The following NOL9 variants were observed in gnomAD, a reference collection of about 807,000 sequenced individuals.
NOL9 encodes nucleolar protein 9.
A neutral mutation model predicts 67.9 loss-of-function variants in NOL9; 28 were observed. The ratio of observed to expected loss-of-function variants is 0.41; its 90% confidence interval spans 0.31 to 0.57. NOL9 has a LOEUF of 0.57. Among genes scored for constraint, NOL9 ranks in the 20% least tolerant of loss-of-function variants. NOL9 has a pLI of 0.25. For missense variants in NOL9, 777 were observed against 897.0 expected, an observed-to-expected ratio of 0.87 and a Z score of 1.71; for synonymous variants, 356 against 352.2, an observed-to-expected ratio of 1.01 and a Z score of -0.12.
At chr1:6,541,794 T>G in intron 6 of NOL9, 36 bp downstream of exon 6, 1 of 1,343,896 alleles carries the variant, frequency 7.4e-7, no homozygotes, top group Non-Finnish European at 1.0e-6. Flanking sequence ...ATGAATTTCA[T>G]AAAACCAAGA....
intron 5 of NOL9, among the ~76,000 whole-genome samples, chr1:6,542,465 A>AT (rs35794526): frequency 0.81 from 118,880 of 146,944 alleles, 48,672 homozygotes; most frequent in Non-Finnish European, 0.87. Context: ...GCCCAGCTGA[A>AT]TTTTTTTTTT....
At chr1:6,541,986 A>G in intron 5 of NOL9, 59 bp from the exon 6 acceptor site, 1 of 1,083,084 alleles carries the variant, frequency 9.2e-7, no homozygotes, top group South Asian at 1.5e-5. Context: ...ACTCAGTAGA[A>G]AGGATAATCA....
rs1384740824 is a variant in NOL9 at position 6,526,718 on chromosome 1, G to A, written c.1937C>T (p.Pro646Leu). ...NCLLVGAIAI[P>L]HCVLKCQRGI... The stretch of plus-strand genomic sequence containing the variant: ...CACCTGGCACTTAAGGACACAATGT[G>A]GAATGGCAATAGCTCCAACGAGCAG... Residue 646 changes from proline (P) to leucine (L), a missense_variant, in exon 11 of 12, where the codon CCA (proline) becomes CTA (leucine). This residue lies in a region of NOL9 where 413 missense variants were observed against 552.6 expected (regional missense o/e 0.75). Coordinates refer to ENST00000377705, the MANE Select transcript of NOL9 (RefSeq NM_024654.5). 6.2e-7 allele frequency: 1 copy of A among 1,613,550 alleles called. No individual in the cohort carries two copies. Among genetic ancestry groups the A allele is most frequent in the South Asian group, 1.1e-5 (1 of 90,984 alleles).
rs560199048 is a variant in NOL9, at chr1:6,543,353, G to A, written c.978-1426C>T. Among the ~76,000 whole-genome samples, 6 of 152,172 alleles carry A rather than the reference G, an allele frequency of 3.9e-5. No individual in the cohort carries two copies. In the East Asian group the frequency reaches 7.8e-4, roughly 20 times the overall value. ...TGGGACTACAGGTGCCTGCCACCAC[G>A]CCCAGCTAATGTTTTGTATTTTTAG... On this transcript the variant is annotated intron_variant, in intron 5 of 11. Transcript: ENST00000377705.
At chr1:6,526,109 G>T in intron 11 of NOL9, 106 bp from the exon 12 acceptor site, 1 of 999,864 alleles carries the variant, frequency 1.0e-6, no homozygotes, top group Non-Finnish European at 1.5e-6. Context: ...GATGGTCTGG[G>T]TGGGGACTTC....
intron 9 of NOL9, 133 bp downstream of exon 9, chr1:6,531,835 G>T: frequency 1.4e-6 from 1 of 715,538 alleles, no homozygotes; most frequent in Non-Finnish European, 2.5e-6. Flanking sequence ...AACGACACAA[G>T]CTGTGTCACT....
intron 11 of NOL9, 71 bp downstream of exon 11, chr1:6,526,625 C>G: frequency 4.1e-6 from 6 of 1,472,120 alleles, no homozygotes; most frequent in Non-Finnish European, 5.5e-6. Flanking sequence ...GACCCCTGAC[C>G]CTACTTCAGC....
intron 3 of NOL9, among the ~76,000 whole-genome samples, chr1:6,547,747 G>A (rs1639449734): frequency 6.6e-6 from 1 of 152,022 alleles, no homozygotes; most frequent in African/African-American, 2.4e-5. Flanking sequence ...CCCAGCTACT[G>A]AGAGGCCCCG....
intron 6 of NOL9, among the ~76,000 whole-genome samples, chr1:6,538,746 G>A (rs911147135): frequency 1.1e-4 from 17 of 152,194 alleles, no homozygotes; most frequent in Middle Eastern, 6.8e-3. Flanking sequence ...ATTTTGGGAT[G>A]CTGAGGCAGG....
chr1:6,548,600 GCA>G (rs544496858), intron 3 of NOL9: 16 of 383,986 alleles, frequency 4.2e-5, no homozygotes, highest in African/African-American at 2.5e-4. Flanking sequence ...GAAGGCACAA[GCA>G]CAGAGTCAGA....
At chr1:6,531,677 C>T (rs1639031682) in intron 9 of NOL9, among the ~76,000 whole-genome samples, 1 of 152,162 alleles carries the variant, frequency 6.6e-6, no homozygotes. Context: ...TCAAACCCAG[C>T]ACGGACCCAC....
Position 6,532,522 on chromosome 1 carries a change from A to G in NOL9, c.1476T>C (p.Thr492=). The G allele has an allele frequency of 1.2e-6, 2 of 1,614,264 alleles. No homozygotes were observed. The highest frequency in any genetic ancestry group is 1.7e-6 in the Non-Finnish European group (2 of 1,180,042). ...DEEKESPVEF[T]GHKLIGVYTD... The stretch of plus-strand genomic sequence containing the variant: ...TATAAACACCTATCAGTTTATGTCC[A>G]GTGAACTCAACTGGACTCTCTTTTT... The change falls in exon 8 of 12, where the codon ACT becomes ACC. Residue 492 remains threonine, a synonymous_variant. Coordinates refer to ENST00000377705, the MANE Select transcript of NOL9 (RefSeq NM_024654.5).
At position 6,523,220 on chromosome 1, in the gene NOL9, T is replaced by C. The variant is rs1466809744; in HGVS notation, c.*2634A>G. On this transcript the variant is annotated 3_prime_UTR_variant, in exon 12 of 12. Transcript: ENST00000377705. ...ATGGAGAACTCCTTACTACCTAATC[T>C]GACCCATAACAGACTGTGGAAATGA... 3 of 151,620 alleles carry C rather than the reference T, an allele frequency of 2.0e-5. No homozygotes were observed. The South Asian group carries it at 6.2e-4, about 32-fold the overall frequency. The allele number at this position is 151,620 out of a possible 1,614,324, so 9.4% of individuals were successfully genotyped here. A position where few individuals can be genotyped will look rare whatever the true frequency, so the allele number is the denominator to read the frequency against.
At chr1:6,527,958 T>G (rs1477134129) in intron 10 of NOL9, among the ~76,000 whole-genome samples, 1 of 152,054 alleles carries the variant, frequency 6.6e-6, no homozygotes, top group Non-Finnish European at 1.5e-5. Context: ...AAAAAAGTCC[T>G]TGATTGTTGG....
intron 9 of NOL9, 141 bp downstream of exon 9, chr1:6,531,827 C>A (rs969706729): frequency 1.7e-5 from 12 of 688,882 alleles, no homozygotes; most frequent in Non-Finnish European, 2.8e-5. Flanking sequence ...GTGGGAATAA[C>A]GACACAAGCT....
intron 1 of NOL9, among the ~76,000 whole-genome samples, chr1:6,551,638 T>A (rs908340843): frequency 6.6e-5 from 10 of 151,776 alleles, no homozygotes; most frequent in Non-Finnish European, 1.5e-4. Flanking sequence ...TTAAAAAATT[T>A]AAAAGGCTGC....
intron 10 of NOL9, 79 bp downstream of exon 10, chr1:6,528,915 G>C: frequency 7.0e-7 from 1 of 1,419,664 alleles, no homozygotes; most frequent in Non-Finnish European, 9.8e-7. Flanking sequence ...ACAGCTACAA[G>C]GTCAAGACCA....
chr1:6,547,138 C>A (rs1300790522), intron 3 of NOL9, among the ~76,000 whole-genome samples: 3 of 152,212 alleles, frequency 2.0e-5, no homozygotes, highest in African/African-American at 7.2e-5. Context: ...CTGGAACCAT[C>A]TTGTTTCTAT....
At chr1:6,526,266 T>C (rs1196946819) in intron 11 of NOL9, among the ~76,000 whole-genome samples, 1 of 152,078 alleles carries the variant, frequency 6.6e-6, no homozygotes, top group Non-Finnish European at 1.5e-5. Context: ...TGCGTCCCTT[T>C]CAAATGAGGG....
Sources: gnomAD v4.1 joint callset for allele counts (sites outside exome capture counted in the v4.1 genomes callset) on GRCh38, gnomAD v4.1.1 for gene constraint, gnomAD v4.1.1 regional missense constraint, MANE v1.5 for transcripts, NCBI Gene and HGNC (gene_info 2026-07-23, HGNC 2026-07-21) for gene names.